ANXA11: variants seen among roughly 807,000 people sequenced by gnomAD.
ANXA11 encodes 56 kDa autoantigen.
In ANXA11, 57 loss-of-function variants were observed where a neutral mutation model predicts 64.7. That is an observed-to-expected ratio of 0.88 (90% CI 0.71 to 1.10). ANXA11 has a LOEUF of 1.10. ANXA11 is among the 50% of genes least tolerant of loss of function. ANXA11 has a pLI of 0.00. For missense variants in ANXA11, 675 were observed against 670.7 expected (o/e 1.01, Z -0.07); for synonymous variants, 260 against 265.2 (o/e 0.98, Z 0.19).
At position 80,170,822 on chromosome 10, in the gene ANXA11, T is replaced by G. The variant is rs759444739; in HGVS notation, c.149A>C (p.Asn50Thr). The G allele has an allele frequency of 4.0e-6, 6 of 1,487,790 alleles. No individual in the cohort carries two copies. The Admixed American group carries it at 1.5e-4, about 37-fold the overall frequency. The allele number at this position is 1,487,790 out of a possible 1,614,324, so 92.2% of individuals were successfully genotyped here. A position where few individuals can be genotyped will look rare whatever the true frequency, so the allele number is the denominator to read the frequency against. ...DNVATYAGQFNQDYLSGMAAN... is the reference protein window; with the variant it reads ...DNVATYAGQFTQDYLSGMAAN... ...CACCATTCCCGAGAGATAGTCCTGGTTGAACTGCCCCGCATAGGTGGCCAC... is the reference window on the plus strand; with the variant it reads ...CACCATTCCCGAGAGATAGTCCTGGGTGAACTGCCCCGCATAGGTGGCCAC... Residue 50 changes from asparagine (N) to threonine (T), a missense_variant, in exon 4 of 16, where the codon AAC (asparagine) becomes ACC (threonine). Transcript: ENST00000422982.
At chr10:80,159,232 A>G in intron 12 of ANXA11, 37 bp from the exon 13 acceptor site, 1 of 1,549,352 alleles carries the variant, frequency 6.5e-7, no homozygotes, top group Non-Finnish European at 8.9e-7. Flanking sequence ...ATGAACTGAA[A>G]TGTGTCTCCC....
chr10:80,158,092 C>T (rs368044357), intron 13 of ANXA11, 67 bp from the exon 14 acceptor site: 1 of 1,466,802 alleles, frequency 6.8e-7, no homozygotes, highest in African/African-American at 1.4e-5. Flanking sequence ...GGCATGGAGT[C>T]TACAAGTGTC....
chr10:80,191,274 G>A (rs543072951), intron 1 of ANXA11, among the ~76,000 whole-genome samples: 15 of 152,126 alleles, frequency 9.9e-5, no homozygotes, highest in Admixed American at 7.8e-4. Flanking sequence ...ATGGTGGCAC[G>A]TGCCTGTAGT....
rs145154086 is a variant in ANXA11, at chr10:80,153,755, A to G, written c.*2098T>C. ...ACGTGTTGACCAGGACCTGCCATCA[A>G]TCTCAGGTAGACCAGGCTAGTTCTC... On this transcript the variant is annotated 3_prime_UTR_variant, in exon 16 of 16. Transcript: ENST00000422982. 6.6e-6 allele frequency: 1 copy of G among 152,392 alleles called. No homozygotes were observed. Among genetic ancestry groups the G allele is most frequent in the Non-Finnish European group, 1.5e-5 (1 of 68,072 alleles). 9.4% of individuals were successfully genotyped at this position (152,392 alleles called of 1,614,324 possible). A position where few individuals can be genotyped will look rare whatever the true frequency, so the allele number is the denominator to read the frequency against.
chr10:80,186,541 C>A (rs1255176666), intron 1 of ANXA11, among the ~76,000 whole-genome samples: 1 of 152,184 alleles, frequency 6.6e-6, no homozygotes, highest in Non-Finnish European at 1.5e-5. Flanking sequence ...TGGAGGGAGG[C>A]CACCGGGCAG....
Position 80,161,962 on chromosome 10 carries a change from A to C in ANXA11, c.1153T>G (p.Ser385Ala). The change falls in exon 12 of 16, where the codon TCC becomes GCC. Residue 385 changes from serine to alanine, a missense_variant. Physicochemically the swap from Ser to Ala is moderately conservative, Grantham distance 99. Transcript: ENST00000422982. Reference sequence around the variant, plus strand: ...GCTACCAGGTGGGCCCGGCTCCGGGAGCACAGAACCGCATTGAACTTGGAC... The same window carrying C: ...GCTACCAGGTGGGCCCGGCTCCGGGCGCACAGAACCGCATTGAACTTGGAC... ...DESKFNAVLC[S>A]RSRAHLVAVF... 2 of 1,612,348 alleles carry C rather than the reference A, an allele frequency of 1.2e-6. No individual in the cohort carries two copies. Among genetic ancestry groups the C allele is most frequent in the South Asian group, 2.2e-5 (2 of 91,072 alleles).
chr10:80,170,380 G>A (rs1845923331), intron 4 of ANXA11, among the ~76,000 whole-genome samples: 1 of 152,180 alleles, frequency 6.6e-6, no homozygotes, highest in Admixed American at 6.5e-5. Flanking sequence ...AAAGTAGCAT[G>A]TCTGCCCAAG....
At chr10:80,155,949 G>A (rs867436516) in intron 15 of ANXA11, 37 bp from the exon 16 acceptor site, 1 of 1,598,170 alleles carries the variant, frequency 6.3e-7, no homozygotes, top group Admixed American at 1.7e-5. Flanking sequence ...CGTTAAGGGA[G>A]GGACAGTCAC....
intron 1 of ANXA11, 86 bp downstream of exon 1, chr10:80,205,257 G>A (rs1186610801): frequency 6.6e-6 from 1 of 151,178 alleles, no homozygotes; most frequent in African/African-American, 2.4e-5. Context: ...CTGGGCGCCA[G>A]GCAGCCCCGG....
At chr10:80,190,072 TAAGGACAG>T in intron 1 of ANXA11, among the ~76,000 whole-genome samples, 1 of 152,334 alleles carries the variant, frequency 6.6e-6, no homozygotes, top group Admixed American at 6.5e-5. Context: ...GTCAAATTCC[TAAGGACAG>T]AAAGTAGACT....
At chr10:80,166,054 A>G (rs755690121) in intron 8 of ANXA11, 30 bp downstream of exon 8, 31 of 886,830 alleles carry the variant, frequency 3.5e-5, no homozygotes, top group African/African-American at 2.5e-4. Flanking sequence ...ACACACACAC[A>G]CACACACACA....
chr10:80,187,447 C>T (rs1280224991), intron 1 of ANXA11, among the ~76,000 whole-genome samples: 2 of 152,190 alleles, frequency 1.3e-5, no homozygotes, highest in Non-Finnish European at 2.9e-5. Context: ...GAGCAATGTA[C>T]TTCTGTTGTT....
At chr10:80,202,464 A>G (rs900652002) in intron 1 of ANXA11, among the ~76,000 whole-genome samples, 1 of 152,226 alleles carries the variant, frequency 6.6e-6, no homozygotes, top group Non-Finnish European at 1.5e-5. Flanking sequence ...TTCAGTGGTT[A>G]TTACAGAGTT....
chr10:80,167,678 C>T (rs1465388293), intron 5 of ANXA11, among the ~76,000 whole-genome samples: 1 of 152,244 alleles, frequency 6.6e-6, no homozygotes, highest in African/African-American at 2.4e-5. Flanking sequence ...CTGGCCTCCA[C>T]AGCACATGTG....
chr10:80,174,634 C>T (rs952147172), intron 2 of ANXA11, among the ~76,000 whole-genome samples: 5 of 151,672 alleles, frequency 3.3e-5, no homozygotes, highest in African/African-American at 4.9e-5. Context: ...TGCAGTGGTG[C>T]GAGCTCAGCT....
At chr10:80,158,151 C>T in intron 13 of ANXA11, 126 bp from the exon 14 acceptor site, 1 of 826,402 alleles carries the variant, frequency 1.2e-6, no homozygotes, top group South Asian at 1.6e-5. Context: ...ATCTTTTCTC[C>T]TCCTCCTTCT....
chr10:80,156,608 G>A, intron 15 of ANXA11: 1 of 361,164 alleles, frequency 2.8e-6, no homozygotes, highest in South Asian at 2.1e-5. Flanking sequence ...CTGTCTCCCG[G>A]GTTCAAGCAA....
At chr10:80,161,220 A>C (rs1413080818) in intron 12 of ANXA11, among the ~76,000 whole-genome samples, 2 of 151,790 alleles carry the variant, frequency 1.3e-5, no homozygotes, top group African/African-American at 4.8e-5. Flanking sequence ...TGCTCACTCC[A>C]CCTGCTCCAC....
At chr10:80,174,268 T>C (rs1183415929) in intron 2 of ANXA11, among the ~76,000 whole-genome samples, 1 of 151,982 alleles carries the variant, frequency 6.6e-6, no homozygotes. Context: ...CTTTTTAAGT[T>C]TTTTTATTAT....
Sources: allele counts gnomAD v4.1 joint callset (sites outside exome capture counted in the v4.1 genomes callset), GRCh38; gene constraint gnomAD v4.1.1; transcripts MANE v1.5; gene names NCBI Gene and HGNC (gene_info 2026-07-23, HGNC 2026-07-21).